Variants in TOR1AIP1 observed in about 807,000 individuals in gnomAD.
The protein encoded by TOR1AIP1 is torsin-1A-interacting protein 1.
Under a neutral mutation model 63.3 loss-of-function variants are expected in TOR1AIP1, and 54 were observed. The ratio of observed to expected loss-of-function variants is 0.85; its 90% confidence interval spans 0.69 to 1.07. The LOEUF (loss-of-function observed/expected upper bound fraction) is 1.07. Among genes scored for constraint, TOR1AIP1 ranks in the 50% least tolerant of loss-of-function variants. The pLI, the probability that TOR1AIP1 is intolerant of heterozygous loss-of-function variation, is 0.00. For missense variants in TOR1AIP1, 736 were observed against 715.0 expected, an observed-to-expected ratio of 1.03 and a Z score of -0.33; for synonymous variants, 294 against 273.5, an observed-to-expected ratio of 1.07 and a Z score of -0.74.
intron 6 of TOR1AIP1, 73 bp from the exon 7 acceptor site, chr1:179,907,750 A>C: frequency 8.1e-7 from 1 of 1,230,196 alleles, no homozygotes; most frequent in Non-Finnish European, 1.1e-6. Flanking sequence ...TAAACAAGCA[A>C]AATGTCTGTG....
intron 3 of TOR1AIP1, among the ~76,000 whole-genome samples, chr1:179,894,854 C>G (rs1360704734): frequency 6.6e-6 from 1 of 152,176 alleles, no homozygotes; most frequent in South Asian, 2.1e-4. Flanking sequence ...ACACCAAGTA[C>G]CTCCCACAAA....
In TOR1AIP1 at chr1:179,883,044, C is replaced by A. The variant is rs77999561; in HGVS notation, c.475+67C>A. 4 of 1,433,746 alleles carry A rather than the reference C, an allele frequency of 2.8e-6. No individual in the cohort carries two copies. The East Asian group carries it at 9.8e-5, about 35-fold the overall frequency. 88.8% of individuals were successfully genotyped at this position (1,433,746 alleles called of 1,614,324 possible). On this transcript the variant is annotated intron_variant, in intron 1 of 9. Coordinates refer to ENST00000606911, the MANE Select transcript of TOR1AIP1 (RefSeq NM_015602.4). ...AACGCGCGGGGGCGGGCGCGCGCCTCGGTGGAGCTCATGCCCGCCTGGGTA... is the reference window on the plus strand; with the variant it reads ...AACGCGCGGGGGCGGGCGCGCGCCTAGGTGGAGCTCATGCCCGCCTGGGTA...
intron 3 of TOR1AIP1, among the ~76,000 whole-genome samples, chr1:179,892,494 T>C (rs1648117134): frequency 6.6e-6 from 1 of 151,252 alleles, no homozygotes; most frequent in African/African-American, 2.4e-5. Context: ...AAAAACTTCT[T>C]TGGGAGGCCA....
intron 2 of TOR1AIP1, among the ~76,000 whole-genome samples, chr1:179,888,491 A>C (rs1408345659): frequency 6.6e-6 from 1 of 152,208 alleles, no homozygotes; most frequent in Non-Finnish European, 1.5e-5. Context: ...AAAGATATCG[A>C]TATAAGTTCT....
rs548996424 is a variant in TOR1AIP1, at chr1:179,882,623, G to T, written c.121G>T (p.Asp41Tyr). The change falls in exon 1 of 10, where the codon GAT becomes TAT. Residue 41 changes from aspartate to tyrosine, a missense_variant. Asp to Tyr is a radical substitution (Grantham distance 160). Coordinates refer to ENST00000606911, the MANE Select transcript of TOR1AIP1 (RefSeq NM_015602.4). ...RLAPQNGGSS[D>Y]APAYRTPPSR... ...CGCCCCTCAAAATGGCGGCAGCAGC[G>T]ATGCGCCTGCGTACAGAACTCCTCC... 7.8e-6 allele frequency: 12 copies of T among 1,531,872 alleles called. No individual in the cohort carries two copies. The African/African-American group carries it at 1.7e-4, about 21-fold the overall frequency. 94.9% of individuals were successfully genotyped at this position (1,531,872 alleles called of 1,614,324 possible).
chr1:179,907,911 C>CTA lies in TOR1AIP1; in HGVS notation c.838+48_838+49insAT. 7.1e-4 allele frequency: 449 copies of CTA among 636,060 alleles called. 1 individual carries two copies. Among genetic ancestry groups the CTA allele is most frequent in the Non-Finnish European group, 9.6e-4 (412 of 429,656 alleles). The allele number at this position is 636,060 out of a possible 1,614,324, so 39.4% of individuals were successfully genotyped here. A position where few individuals can be genotyped will look rare whatever the true frequency, so the allele number is the denominator to read the frequency against. ...CTTTTTTCAGCCAATCAATTCTTTT[C>CTA]TCTTTTTTTTTTTTTTTTTTTTTGA... On this transcript the variant is annotated intron_variant, in intron 7 of 9. Coordinates refer to ENST00000606911, the MANE Select transcript of TOR1AIP1 (RefSeq NM_015602.4).
rs1649091446 is a variant in TOR1AIP1 at position 179,918,377 on chromosome 1, A to G, written c.*138A>G. ...TTAAGTGCTTACATAAACATGGAACATATAAATCATTCATTCAACCTAATT... is the reference window on the plus strand; with the variant it reads ...TTAAGTGCTTACATAAACATGGAACGTATAAATCATTCATTCAACCTAATT... On this transcript the variant is annotated 3_prime_UTR_variant, in exon 10 of 10. Coordinates refer to ENST00000606911, the MANE Select transcript of TOR1AIP1 (RefSeq NM_015602.4). The G allele has an allele frequency of 2.6e-6, 2 of 755,704 alleles. No individual in the cohort carries two copies. The highest frequency in any genetic ancestry group is 2.7e-5 in the East Asian group (1 of 36,928). 46.8% of individuals were successfully genotyped at this position (755,704 alleles called of 1,614,324 possible).
At chr1:179,916,288 G>C (rs1648987603) in intron 9 of TOR1AIP1, among the ~76,000 whole-genome samples, 1 of 152,160 alleles carries the variant, frequency 6.6e-6, no homozygotes, top group South Asian at 2.1e-4. Flanking sequence ...CAAGGTGAAA[G>C]TCAAATAACA....
At chr1:179,887,249 A>G (rs544228953) in intron 2 of TOR1AIP1, among the ~76,000 whole-genome samples, 1 of 152,116 alleles carries the variant, frequency 6.6e-6, no homozygotes, top group Non-Finnish European at 1.5e-5. Flanking sequence ...AAATACAAAA[A>G]CTAGCCAGGC....
Position 179,882,926 on chromosome 1 carries a change from C to T in TOR1AIP1, c.424C>T (p.Pro142Ser). The change falls in exon 1 of 10, where the codon CCG becomes TCG. Residue 142 changes from proline (P) to serine (S), a missense_variant. Physicochemically the swap from Pro to Ser is moderately conservative, Grantham distance 74. Transcript: ENST00000606911. ...GCACTCAGAGCAGCCTCCGCTACAG[C>T]CGTCTCCTGTTATGACCAGGAGAGG... ...QQHSEQPPLQ[P>S]SPVMTRRGLR... 6.2e-7 allele frequency: 1 copy of T among 1,614,080 alleles called. No homozygotes were observed. The highest frequency in any genetic ancestry group is 8.5e-7 in the Non-Finnish European group (1 of 1,180,014).
chr1:179,897,564 C>G (rs1648326812), intron 3 of TOR1AIP1, among the ~76,000 whole-genome samples: 1 of 152,182 alleles, frequency 6.6e-6, no homozygotes, highest in Non-Finnish European at 1.5e-5. Flanking sequence ...GATAGCTCAA[C>G]AAATGAATGT....
At chr1:179,912,002 C>CTTT (rs1558046486) in intron 8 of TOR1AIP1, among the ~76,000 whole-genome samples, 1 of 127,976 alleles carries the variant, frequency 7.8e-6, no homozygotes, top group Non-Finnish European at 1.7e-5. Context: ...TTTCTTTTTT[C>CTTT]TTTTTTTTCT....
chr1:179,913,483 G>A, intron 8 of TOR1AIP1: 1 of 676,668 alleles, frequency 1.5e-6, no homozygotes. Context: ...TCAGTTTGAG[G>A]TAGAAAATAG....
At chr1:179,892,912 G>A (rs1011195462) in intron 3 of TOR1AIP1, among the ~76,000 whole-genome samples, 1 of 152,068 alleles carries the variant, frequency 6.6e-6, no homozygotes. Flanking sequence ...TTAAAAAAGA[G>A]ATTTTCATTT....
rs1204174498 is a variant in TOR1AIP1 at position 179,918,527 on chromosome 1, A to G, written c.*288A>G. 6.3e-5 allele frequency: 19 copies of G among 302,484 alleles called. No individual in the cohort carries two copies. Among genetic ancestry groups the G allele is most frequent in the Non-Finnish European group, 1.2e-5 (2 of 163,434 alleles). 18.7% of individuals were successfully genotyped at this position (302,484 alleles called of 1,614,324 possible). ...GATTCTGGGCTGAGTTATTACAGTT[A>G]TGGTATGACCAGTGAGAGGGATTTG... is the stretch of plus-strand genomic sequence containing the variant. On this transcript the variant is annotated 3_prime_UTR_variant, in exon 10 of 10. Transcript: ENST00000606911.
At chr1:179,895,933 A>T (rs1434028340) in intron 3 of TOR1AIP1, among the ~76,000 whole-genome samples, 1 of 152,090 alleles carries the variant, frequency 6.6e-6, no homozygotes, top group South Asian at 2.1e-4. Context: ...AAAAAAACAA[A>T]AACAAAAAAC....
chr1:179,884,624 A>C, intron 1 of TOR1AIP1, 68 bp from the exon 2 acceptor site: 1 of 1,335,692 alleles, frequency 7.5e-7, no homozygotes, highest in Non-Finnish European at 1.0e-6. Flanking sequence ...ACAAAAATGC[A>C]TAATCTGTGC....
At chr1:179,915,718 A>G in intron 9 of TOR1AIP1, among the ~76,000 whole-genome samples, 1 of 152,102 alleles carries the variant, frequency 6.6e-6, no homozygotes, top group Non-Finnish European at 1.5e-5. Flanking sequence ...AGATCGCACC[A>G]CTTCATGTCA....
intron 8 of TOR1AIP1, among the ~76,000 whole-genome samples, chr1:179,910,908 A>G (rs1286247296): frequency 1.3e-5 from 2 of 152,246 alleles, no homozygotes; most frequent in African/African-American, 4.8e-5. Flanking sequence ...AGAAGGAAAC[A>G]TAATTATATT....
Sources: allele counts gnomAD v4.1 joint callset (sites outside exome capture counted in the v4.1 genomes callset), GRCh38; gene constraint gnomAD v4.1.1; transcripts MANE v1.5; gene names NCBI Gene and HGNC (gene_info 2026-07-23, HGNC 2026-07-21).